EMP1: variants seen among roughly 807,000 people sequenced by gnomAD.
The protein encoded by EMP1 is epithelial membrane protein 1.
Under a neutral mutation model 15.7 loss-of-function variants are expected in EMP1, and 5 were observed. That is an observed-to-expected ratio of 0.32 (90% CI 0.17 to 0.67). The LOEUF (loss-of-function observed/expected upper bound fraction) is 0.67, where lower values mean the gene tolerates loss of function less well. Among genes scored for constraint, EMP1 ranks in the 30% least tolerant of loss-of-function variants. The pLI is 0.74. For synonymous variants in EMP1, 78 were observed against 76.7 expected (o/e 1.02, Z -0.09); for missense variants, 166 against 194.2 (o/e 0.85, Z 0.86).
In EMP1 at chr12:13,216,510, A is replaced by G; in HGVS notation, c.*1819A>G. ...AAGGCTGTCTTAGTGCAAAAAACAT[A>G]CTTACATTTCAGACATATCCAAAGG... On this transcript the variant is annotated 3_prime_UTR_variant, in exon 5 of 5. Coordinates refer to ENST00000256951, the MANE Select transcript of EMP1 (RefSeq NM_001423.3). The G allele has an allele frequency of 1.4e-6, 1 of 699,960 alleles. No homozygotes were observed. The highest frequency in any genetic ancestry group is 2.7e-5 in the East Asian group (1 of 37,180). 43.4% of individuals were successfully genotyped at this position (699,960 alleles called of 1,614,324 possible).
At chr12:13,213,649 A>G (rs1029676776) in intron 3 of EMP1, 32 bp from the exon 4 acceptor site, 6 of 1,613,980 alleles carry the variant, frequency 3.7e-6, no homozygotes, top group Non-Finnish European at 5.1e-6. Context: ...GAGTGACCTC[A>G]TGCCCTTGTT....
rs1591709594 is a variant in EMP1 at position 13,211,555 on chromosome 12, T to C, written c.45T>C (p.Thr15=). The C allele has an allele frequency of 6.2e-7, 1 of 1,614,198 alleles. No individual in the cohort carries two copies. The highest frequency in any genetic ancestry group is 8.5e-7 in the Non-Finnish European group (1 of 1,180,010). The change falls in exon 2 of 5, where the codon ACT becomes ACC. Residue 15 remains threonine, a synonymous_variant. Transcript: ENST00000256951. This position sits in a 1 kb window ranked among gnomAD's most constrained non-coding sequence, Gnocchi z 4.7. ...GTATCTTTGTGGTCCACATCGCTAC[T>C]GTTATTATGCTATTTGTTAGCACCA... ...LAGIFVVHIA[T]VIMLFVSTIA...
In EMP1 at chr12:13,211,377, C is replaced by A; in HGVS notation, c.-42-92C>A. 1.2e-6 allele frequency: 1 copy of A among 826,144 alleles called. No homozygotes were observed. Among genetic ancestry groups the A allele is most frequent in the Non-Finnish European group, 2.0e-6 (1 of 497,420 alleles). The allele number at this position is 826,144 out of a possible 1,614,324, so 51.2% of individuals were successfully genotyped here. On this transcript the variant is annotated intron_variant, in intron 1 of 4. Coordinates refer to ENST00000256951, the MANE Select transcript of EMP1 (RefSeq NM_001423.3). This position sits in a 1 kb window ranked among gnomAD's most constrained non-coding sequence, Gnocchi z 4.7. ...GATGGTTTTTAGTGCAGCTCTTCCT[C>A]ATGTTAGCAGATAGCCCACACGTGT...
At chr12:13,204,033 A>G (rs759206025) in intron 1 of EMP1, among the ~76,000 whole-genome samples, 1 of 152,186 alleles carries the variant, frequency 6.6e-6, no homozygotes. Context: ...TGCATTTGGA[A>G]GATGAAAAAA....
At chr12:13,203,589 C>T (rs994477215) in intron 1 of EMP1, among the ~76,000 whole-genome samples, 1 of 152,150 alleles carries the variant, frequency 6.6e-6, no homozygotes, top group African/African-American at 2.4e-5. Context: ...AAGCCCATTT[C>T]CCCGGCCCGA....
At chr12:13,209,694 G>C (rs1461711676) in intron 1 of EMP1, 1 of 152,134 alleles carries the variant, frequency 6.6e-6, no homozygotes, top group African/African-American at 2.4e-5. Context: ...TGAGGAAACA[G>C]ATGAGCGGTC....
rs1864230714 is a variant in EMP1, at chr12:13,218,113, AC to A, written c.*3425del. 2.0e-5 allele frequency: 3 copies of A among 152,346 alleles called. No individual in the cohort carries two copies. Among genetic ancestry groups the A allele is most frequent in the South Asian group, 4.1e-4 (2 of 4,824 alleles). The allele number at this position is 152,346 out of a possible 1,614,324, so 9.4% of individuals were successfully genotyped here. ...CTCTCCATGACCACTCAAGAATGGG[AC>A]CCAAAGGCAAATGATAACTTATTCA... On this transcript the variant is annotated 3_prime_UTR_variant, in exon 5 of 5. Transcript: ENST00000256951.
At chr12:13,214,275 G>T (rs1238314087) in intron 4 of EMP1, 2 of 600,468 alleles carry the variant, frequency 3.3e-6, no homozygotes, top group Non-Finnish European at 5.9e-6. Flanking sequence ...CTGGGTGGTA[G>T]GCATGAGGTT....
At chr12:13,199,967 T>C (rs909058687) in intron 1 of EMP1, among the ~76,000 whole-genome samples, 358 of 147,278 alleles carry the variant, frequency 2.4e-3, no homozygotes, top group African/African-American at 7.5e-3. Flanking sequence ...TCTTCTTCTT[T>C]TTTTTTTTTT....
intron 1 of EMP1, among the ~76,000 whole-genome samples, chr12:13,208,102 G>A (rs1445047346): frequency 2.6e-5 from 4 of 152,156 alleles, no homozygotes; most frequent in African/African-American, 9.7e-5. Flanking sequence ...GTCTACTATT[G>A]TTTTAGTGAA....
At position 13,216,327 on chromosome 12, in the gene EMP1, AG is replaced by A. The variant is rs1391508065; in HGVS notation, c.*1638del. ...CCATGATTTTTGGTATTTATGTAAAAGGATTATTACTAATTCTATTTCTCTA... is the reference window on the plus strand; with the variant it reads ...CCATGATTTTTGGTATTTATGTAAAAGATTATTACTAATTCTATTTCTCTA... On this transcript the variant is annotated 3_prime_UTR_variant, in exon 5 of 5. Coordinates refer to ENST00000256951, the MANE Select transcript of EMP1 (RefSeq NM_001423.3). 4.3e-6 allele frequency: 3 copies of A among 695,744 alleles called. No homozygotes were observed. The highest frequency in any genetic ancestry group is 7.8e-6 in the Non-Finnish European group (3 of 382,616). 43.1% of individuals were successfully genotyped at this position (695,744 alleles called of 1,614,324 possible). A position where few individuals can be genotyped will look rare whatever the true frequency, so the allele number is the denominator to read the frequency against.
chr12:13,207,553 G>A (rs923716035), intron 1 of EMP1, among the ~76,000 whole-genome samples: 4 of 152,168 alleles, frequency 2.6e-5, no homozygotes, highest in Admixed American at 6.5e-5. Flanking sequence ...AAGCCTGTCC[G>A]TTAGGGCAGA....
intron 1 of EMP1, chr12:13,199,476 ACT>A (rs1292664877): frequency 1.3e-5 from 2 of 151,980 alleles, no homozygotes; most frequent in East Asian, 3.9e-4. Context: ...TTTTCTGTAG[ACT>A]CTATGGAGCC....
intron 1 of EMP1, among the ~76,000 whole-genome samples, chr12:13,210,107 CAGTG>C (rs1333873881): frequency 4.6e-5 from 7 of 152,156 alleles, no homozygotes; most frequent in Non-Finnish European, 1.0e-4. Context: ...CTGATAAAGA[CAGTG>C]AGAGGAGATA....
intron 1 of EMP1, among the ~76,000 whole-genome samples, chr12:13,202,062 A>G (rs1767505391): frequency 6.6e-6 from 1 of 152,100 alleles, no homozygotes; most frequent in South Asian, 2.1e-4. Context: ...GCAGGCAGAA[A>G]GACCTAGAAG....
chr12:13,197,614 A>G (rs141997451), intron 1 of EMP1, among the ~76,000 whole-genome samples: 517 of 152,032 alleles, frequency 3.4e-3, no homozygotes, highest in Non-Finnish European at 6.1e-3. Flanking sequence ...TGTCTCTACT[A>G]AAATACAAAA....
At position 13,211,581 on chromosome 12, in the gene EMP1, T is replaced by G; in HGVS notation, c.71T>G (p.Ile24Ser). ...GTTATTATGCTATTTGTTAGCACCATTGCCAATGTGAGTAATGTTCTTTTG... is the reference window on the plus strand; with the variant it reads ...GTTATTATGCTATTTGTTAGCACCAGTGCCAATGTGAGTAATGTTCTTTTG... ...ATVIMLFVST[I>S]ANVWLVSNTV... is the part of the protein sequence containing the mutation. Residue 24 changes from isoleucine (I) to serine (S), a missense_variant, in exon 2 of 5, where the codon ATT becomes AGT. Coordinates refer to ENST00000256951, the MANE Select transcript of EMP1 (RefSeq NM_001423.3). This position sits in a 1 kb window ranked among gnomAD's most constrained non-coding sequence, Gnocchi z 4.7. 1 of 1,614,066 alleles carries G rather than the reference T, an allele frequency of 6.2e-7. No homozygotes were observed. Among genetic ancestry groups the G allele is most frequent in the South Asian group, 1.1e-5 (1 of 91,044 alleles).
rs1337232892 is a variant in EMP1 at position 13,216,488 on chromosome 12, G to A, written c.*1797G>A. On this transcript the variant is annotated 3_prime_UTR_variant, in exon 5 of 5. Coordinates refer to ENST00000256951, the MANE Select transcript of EMP1 (RefSeq NM_001423.3). ...TTTCATTATCACATGATTATAGAAGGCTGTCTTAGTGCAAAAAACATACTT... is the reference window on the plus strand; with the variant it reads ...TTTCATTATCACATGATTATAGAAGACTGTCTTAGTGCAAAAAACATACTT... The A allele has an allele frequency of 1.4e-6, 1 of 701,746 alleles. No homozygotes were observed. Among genetic ancestry groups the A allele is most frequent in the Admixed American group, 2.0e-5 (1 of 49,810 alleles). The allele number at this position is 701,746 out of a possible 1,614,324, so 43.5% of individuals were successfully genotyped here.
intron 1 of EMP1, among the ~76,000 whole-genome samples, chr12:13,198,524 A>G (rs576520548): frequency 1.8e-4 from 28 of 152,354 alleles, no homozygotes; most frequent in African/African-American, 6.5e-4. Context: ...CATCAGGGCA[A>G]CTTTTCAAGA....
Sources: allele counts gnomAD v4.1 joint callset (sites outside exome capture counted in the v4.1 genomes callset), GRCh38; gene constraint gnomAD v4.1.1; non-coding constraint Gnocchi (gnomAD v3.1); transcripts MANE v1.5; gene names NCBI Gene and HGNC (gene_info 2026-07-23, HGNC 2026-07-21).